The following SLC9C2 variants were observed in gnomAD, a reference collection of about 807,000 sequenced individuals.
SLC9C2 encodes sodium/hydrogen exchanger 11.
In SLC9C2, 75 loss-of-function variants were observed where a neutral mutation model predicts 140.2. The observed-to-expected ratio is 0.53, with a 90% CI of 0.44 to 0.65. SLC9C2 has a LOEUF of 0.65. Ranked by LOEUF, SLC9C2 falls within the 30% of genes least tolerant of loss-of-function variation. SLC9C2 has a pLI of 0.00. For missense variants in SLC9C2, 1,074 were observed against 1,331.8 expected, an observed-to-expected ratio of 0.81 and a Z score of 3.01; for synonymous variants, 375 against 420.9, an observed-to-expected ratio of 0.89 and a Z score of 1.34.
At chr1:173,551,934 C>T (rs183115714) in intron 11 of SLC9C2, among the ~76,000 whole-genome samples, 1 of 152,198 alleles carries the variant, frequency 6.6e-6, no homozygotes, top group East Asian at 1.9e-4. Context: ...AGCACTAGGC[C>T]TTTTGCACTA....
At chr1:173,592,306 C>A (rs1048237276) in intron 4 of SLC9C2, among the ~76,000 whole-genome samples, 20 of 152,270 alleles carry the variant, frequency 1.3e-4, no homozygotes, top group African/African-American at 4.6e-4. Context: ...ATGCCTCCAG[C>A]TTTGTTCTTT....
chr1:173,585,984 A>T (rs1010106110), intron 5 of SLC9C2, among the ~76,000 whole-genome samples: 2 of 151,874 alleles, frequency 1.3e-5, no homozygotes, highest in Non-Finnish European at 2.9e-5. Context: ...TAAAAAAATA[A>T]AAAAAAAGAA....
At chr1:173,511,359 C>G (rs1660044382) in intron 23 of SLC9C2, among the ~76,000 whole-genome samples, 1 of 152,076 alleles carries the variant, frequency 6.6e-6, no homozygotes, top group African/African-American at 2.4e-5. Flanking sequence ...AATTGCCATT[C>G]TGACTGGTGT....
Position 173,517,713 on chromosome 1 carries a change from G to A in SLC9C2, c.2740-9C>T. ...GGAGATAAACTATGCAACTGCAAAG[G>A]GAAAAAAAGTGTGCAAAGGGAAAGA... is the stretch of plus-strand genomic sequence containing the variant. On this transcript the variant is annotated splice_polypyrimidine_tract_variant and intron_variant, in intron 22 of 27. Coordinates refer to ENST00000367714, the MANE Select transcript of SLC9C2 (RefSeq NM_178527.4). 1 of 1,587,650 alleles carries A rather than the reference G, an allele frequency of 6.3e-7. No individual in the cohort carries two copies. Among genetic ancestry groups the A allele is most frequent in the South Asian group, 1.2e-5 (1 of 85,834 alleles).
chr1:173,583,370 T>A, intron 6 of SLC9C2, 136 bp downstream of exon 6: 1 of 521,268 alleles, frequency 1.9e-6, no homozygotes, highest in Non-Finnish European at 3.5e-6. Flanking sequence ...TATGATTTTT[T>A]TCTTGTTACT....
intron 10 of SLC9C2, among the ~76,000 whole-genome samples, chr1:173,556,092 A>G (rs1230330426): frequency 6.6e-6 from 1 of 152,236 alleles, no homozygotes; most frequent in Non-Finnish European, 1.5e-5. Flanking sequence ...TAGGTGAGTC[A>G]GTGCTCTTGA....
chr1:173,572,818 C>T (rs991881601), intron 9 of SLC9C2, among the ~76,000 whole-genome samples: 3 of 152,094 alleles, frequency 2.0e-5, no homozygotes, highest in Non-Finnish European at 4.4e-5. Flanking sequence ...ATGTTAAGAG[C>T]AATTAATCTG....
At chr1:173,574,007 A>AACC (rs1390787873) in intron 8 of SLC9C2, among the ~76,000 whole-genome samples, 2 of 152,214 alleles carry the variant, frequency 1.3e-5, no homozygotes, top group Non-Finnish European at 2.9e-5. Flanking sequence ...AAATGGACAG[A>AACC]ACCACCCCCA....
At chr1:173,565,560 G>T (rs1327391084) in intron 9 of SLC9C2, among the ~76,000 whole-genome samples, 1 of 152,034 alleles carries the variant, frequency 6.6e-6, no homozygotes, top group African/African-American at 2.4e-5. Flanking sequence ...CTGTTCCATT[G>T]GTCTATGTGT....
At chr1:173,585,607 T>C (rs1011398093) in intron 5 of SLC9C2, among the ~76,000 whole-genome samples, 12 of 152,086 alleles carry the variant, frequency 7.9e-5, no homozygotes, top group African/African-American at 2.2e-4. Context: ...CTGAGTGTTA[T>C]TGACATAAAA....
intron 13 of SLC9C2, among the ~76,000 whole-genome samples, chr1:173,543,852 A>T (rs1190067522): frequency 6.6e-6 from 1 of 152,232 alleles, no homozygotes; most frequent in Non-Finnish European, 1.5e-5. Flanking sequence ...ACAAAAATTA[A>T]TTCAAGATGG....
At chr1:173,601,610 C>T in intron 2 of SLC9C2, 40 bp downstream of exon 2, 1 of 1,600,600 alleles carries the variant, frequency 6.2e-7, no homozygotes, top group East Asian at 2.2e-5. Flanking sequence ...AAAAGGTTCA[C>T]AGGGCAGAGG....
In SLC9C2 at chr1:173,573,267, C is replaced by T. The variant is rs1475989090; in HGVS notation, c.961G>A (p.Val321Met). The T allele has an allele frequency of 1.9e-6, 3 of 1,580,448 alleles. No individual in the cohort carries two copies. ...TGGCTGAGTTCTCCACATCCAATCACAATGCCAAAGAAAGCATATATTAAA... is the reference window on the plus strand; with the variant it reads ...TGGCTGAGTTCTCCACATCCAATCATAATGCCAAAGAAAGCATATATTAAA... ...EHLIYAFFGI[V>M]IGCGELSHYE... Residue 321 changes from valine (V) to methionine (M), a missense_variant, in exon 9 of 28, where the codon GTG becomes ATG. Transcript: ENST00000367714.
At chr1:173,557,638 G>T in intron 9 of SLC9C2, 130 bp from the exon 10 acceptor site, 1 of 796,854 alleles carries the variant, frequency 1.3e-6, no homozygotes, top group Non-Finnish European at 2.0e-6. Context: ...GCAATTTACT[G>T]TTAAGTCCTT....
At position 173,586,020 on chromosome 1, in the gene SLC9C2, G is replaced by GA. The variant is rs200664263; in HGVS notation, c.523+1644dup. ...GACTTTCTACTGTACTCCTTTTTTT[G>GA]AAAAAAAATTGAATGTTGAAACTGC... On this transcript the variant is annotated intron_variant, in intron 5 of 27. Coordinates refer to ENST00000367714, the MANE Select transcript of SLC9C2 (RefSeq NM_178527.4). Among the ~76,000 whole-genome samples, 303 of 150,554 alleles carry GA rather than the reference G, an allele frequency of 2.0e-3. 7 individuals are homozygous for GA. The East Asian group carries it at 0.051, about 25-fold the overall frequency.
chr1:173,548,954 C>A (rs1663062864), intron 11 of SLC9C2, among the ~76,000 whole-genome samples: 1 of 152,150 alleles, frequency 6.6e-6, no homozygotes, highest in Non-Finnish European at 1.5e-5. Flanking sequence ...TGCATTTTAA[C>A]AAGTTCTCTC....
In SLC9C2 at chr1:173,536,928, A is replaced by T. The variant is rs1662005355; in HGVS notation, c.1655+14T>A. The T allele has an allele frequency of 5.1e-6, 8 of 1,570,978 alleles. No individual in the cohort carries two copies. Among genetic ancestry groups the T allele is most frequent in the African/African-American group, 1.4e-5 (1 of 73,852 alleles). ...CAATTTTGGAAATATCAATTAAAGA[A>T]GTGTTATACTTACTTTCCTTGGATG... is the stretch of plus-strand genomic sequence containing the variant. On this transcript the variant is annotated intron_variant, in intron 14 of 27. Coordinates refer to ENST00000367714, the MANE Select transcript of SLC9C2 (RefSeq NM_178527.4).
At chr1:173,596,066 T>G (rs1479067436) in intron 4 of SLC9C2, among the ~76,000 whole-genome samples, 1 of 152,210 alleles carries the variant, frequency 6.6e-6, no homozygotes, top group Admixed American at 6.5e-5. Context: ...CTTATTTCTC[T>G]TAGCACAATG....
At chr1:173,573,697 T>C (rs770100909) in intron 8 of SLC9C2, among the ~76,000 whole-genome samples, 3 of 152,222 alleles carry the variant, frequency 2.0e-5, no homozygotes, top group Non-Finnish European at 2.9e-5. Context: ...AGTAGGTACC[T>C]CGGTAACTTT....
Sources: allele counts gnomAD v4.1 joint callset (sites outside exome capture counted in the v4.1 genomes callset), GRCh38; gene constraint gnomAD v4.1.1; transcripts MANE v1.5; gene names NCBI Gene and HGNC (gene_info 2026-07-23, HGNC 2026-07-21).